The following SH3GL2 variants were observed in gnomAD, a reference collection of about 807,000 sequenced individuals.
SH3GL2 encodes endophilin-A1.
SH3GL2 carries 24 observed loss-of-function variants against 46.0 expected under a neutral mutation model. That is an observed-to-expected ratio of 0.52 (90% CI 0.38 to 0.73). The LOEUF is 0.73. Among genes scored for constraint, SH3GL2 ranks in the 30% least tolerant of loss-of-function variants. SH3GL2 has a pLI of 0.00. For missense variants in SH3GL2, 413 were observed against 424.2 expected, an observed-to-expected ratio of 0.97 and a Z score of 0.23; for synonymous variants, 196 against 147.1, an observed-to-expected ratio of 1.33 and a Z score of -2.40.
chr9:17,603,393 C>G (rs1255127577), intron 1 of SH3GL2, among the ~76,000 whole-genome samples: 1 of 152,080 alleles, frequency 6.6e-6, no homozygotes, highest in Non-Finnish European at 1.5e-5. Flanking sequence ...AATAAAAAGC[C>G]AAAGACTCTG....
intron 3 of SH3GL2, among the ~76,000 whole-genome samples, chr9:17,763,489 T>G (rs982852159): frequency 2.6e-5 from 4 of 151,934 alleles, no homozygotes; most frequent in Non-Finnish European, 4.4e-5. Context: ...ACGTGAAGAA[T>G]GAGAAGAGGT....
At chr9:17,768,513 T>C (rs1823383712) in intron 3 of SH3GL2, among the ~76,000 whole-genome samples, 2 of 151,962 alleles carry the variant, frequency 1.3e-5, no homozygotes, top group South Asian at 4.2e-4. Context: ...ATAAATACCA[T>C]ACCTAAATCC....
At chr9:17,590,928 T>G (rs567009972) in intron 1 of SH3GL2, 1 of 152,296 alleles carries the variant, frequency 6.6e-6, no homozygotes, top group South Asian at 2.1e-4. Context: ...TGGCTAATTT[T>G]TTTGTATTTT....
chr9:17,614,295 G>GATAA (rs2073211291), intron 1 of SH3GL2, among the ~76,000 whole-genome samples: 1 of 70,302 alleles, frequency 1.4e-5, no homozygotes, highest in Non-Finnish European at 2.5e-5. Flanking sequence ...CATGGTTTCT[G>GATAA]AAAAAAAAAA....
chr9:17,720,705 G>C (rs912346675), intron 1 of SH3GL2, among the ~76,000 whole-genome samples: 5 of 152,068 alleles, frequency 3.3e-5, no homozygotes, highest in African/African-American at 1.2e-4. Flanking sequence ...GGTGAAATAA[G>C]ATATAAGGAA....
chr9:17,785,714 CAAAG>C (rs34810692), intron 3 of SH3GL2, among the ~76,000 whole-genome samples: 1,704 of 152,152 alleles, frequency 0.011, 36 homozygotes, highest in African/African-American at 0.035. Context: ...AAAACAAAAA[CAAAG>C]AAAGAGAAAT....
chr9:17,684,894 A>C (rs1021894197), intron 1 of SH3GL2, among the ~76,000 whole-genome samples: 1 of 152,168 alleles, frequency 6.6e-6, no homozygotes, highest in African/African-American at 2.4e-5. Context: ...TTCACTGCCA[A>C]CATTTAAAAA....
At chr9:17,759,181 A>G (rs774581003) in intron 2 of SH3GL2, among the ~76,000 whole-genome samples, 1 of 152,214 alleles carries the variant, frequency 6.6e-6, no homozygotes, top group Non-Finnish European at 1.5e-5. Context: ...CAGTCTCTGT[A>G]GGGAAACCCG....
chr9:17,640,042 A>G (rs189802262), intron 1 of SH3GL2, among the ~76,000 whole-genome samples: 2 of 152,282 alleles, frequency 1.3e-5, no homozygotes, highest in Admixed American at 6.5e-5. Flanking sequence ...TTATTAATAT[A>G]TCTTGAATGT....
chr9:17,596,314 C>CT (rs1201178721), intron 1 of SH3GL2, among the ~76,000 whole-genome samples: 3 of 152,072 alleles, frequency 2.0e-5, no homozygotes, highest in African/African-American at 7.2e-5. Context: ...CTGCTAATGA[C>CT]TTTTGCTGGC....
intron 1 of SH3GL2, among the ~76,000 whole-genome samples, chr9:17,645,606 G>T (rs1244330303): frequency 6.6e-6 from 1 of 151,986 alleles, no homozygotes; most frequent in African/African-American, 2.4e-5. Flanking sequence ...GTCTGTAAAG[G>T]GTTTTATTTC....
intron 1 of SH3GL2, among the ~76,000 whole-genome samples, chr9:17,745,521 C>G (rs1195671212): frequency 1.3e-5 from 2 of 152,062 alleles, no homozygotes; most frequent in Admixed American, 6.6e-5. Flanking sequence ...CCATATTTCT[C>G]CTATTTCTAC....
chr9:17,724,448 A>G (rs980843440), intron 1 of SH3GL2, among the ~76,000 whole-genome samples: 9 of 152,118 alleles, frequency 5.9e-5, no homozygotes, highest in Non-Finnish European at 8.8e-5. Flanking sequence ...TAAAATGACT[A>G]CTGCCGAGCC....
chr9:17,691,184 C>A (rs1404053430), intron 1 of SH3GL2, among the ~76,000 whole-genome samples: 3 of 152,080 alleles, frequency 2.0e-5, no homozygotes, highest in African/African-American at 4.8e-5. Flanking sequence ...CAAGGGGTGA[C>A]TGAGTGTTTT....
At chr9:17,710,884 C>T (rs1400893089) in intron 1 of SH3GL2, among the ~76,000 whole-genome samples, 1 of 151,872 alleles carries the variant, frequency 6.6e-6, no homozygotes, top group Non-Finnish European at 1.5e-5. Context: ...CTGGGTATTA[C>T]TGAATGCTGT....
At chr9:17,701,343 T>C (rs1248750195) in intron 1 of SH3GL2, among the ~76,000 whole-genome samples, 1 of 152,054 alleles carries the variant, frequency 6.6e-6, no homozygotes, top group East Asian at 1.9e-4. Context: ...GAGCCTAAAA[T>C]GAAGAGGGAA....
intron 1 of SH3GL2, among the ~76,000 whole-genome samples, chr9:17,642,314 G>A (rs1023579175): frequency 2.6e-5 from 4 of 152,132 alleles, no homozygotes; most frequent in Non-Finnish European, 5.9e-5. Flanking sequence ...TAGGTTGCCT[G>A]TTCACTCTGA....
chr9:17,674,825 C>G (rs1177159528), intron 1 of SH3GL2, among the ~76,000 whole-genome samples: 1 of 152,108 alleles, frequency 6.6e-6, no homozygotes, highest in Non-Finnish European at 1.5e-5. Flanking sequence ...CTCAGAGCAG[C>G]AAGAGACTAA....
intron 1 of SH3GL2, among the ~76,000 whole-genome samples, chr9:17,734,035 A>G (rs1474932815): frequency 1.3e-5 from 2 of 151,982 alleles, no homozygotes; most frequent in African/African-American, 4.8e-5. Context: ...AACTTAATAT[A>G]GGTCCCTTCT....
Sources: gnomAD v4.1 joint callset for allele counts (sites outside exome capture counted in the v4.1 genomes callset) on GRCh38, gnomAD v4.1.1 for gene constraint, MANE v1.5 for transcripts, NCBI Gene and HGNC (gene_info 2026-07-23, HGNC 2026-07-21) for gene names.